SLX4IP: variants seen among roughly 807,000 people sequenced by gnomAD.
The protein encoded by SLX4IP is SLX4 interacting protein, also known as protein SLX4IP.
In SLX4IP, 34 loss-of-function variants were observed where a neutral mutation model predicts 32.9. The ratio of observed to expected loss-of-function variants is 1.03; its 90% CI spans 0.79 to 1.38. The LOEUF (loss-of-function observed/expected upper bound fraction) is 1.38, where lower values mean the gene tolerates loss of function less well. Among genes scored for constraint, SLX4IP ranks in the 40% most tolerant of loss-of-function variants. The pLI, the probability that SLX4IP is intolerant of heterozygous loss-of-function variation, is 0.00. For missense variants in SLX4IP, 444 were observed against 479.0 expected (o/e 0.93, Z 0.68); for synonymous variants, 172 against 171.7 (o/e 1.00, Z -0.01).
At chr20:10,608,600 G>T (rs1313473158) in intron 6 of SLX4IP, among the ~76,000 whole-genome samples, 2 of 150,646 alleles carry the variant, frequency 1.3e-5, no homozygotes, top group Non-Finnish European at 3.0e-5. Context: ...TGTGAACCCA[G>T]GAGGCGGAGC....
At chr20:10,558,341 C>CAAAAA (rs36028561) in intron 3 of SLX4IP, among the ~76,000 whole-genome samples, 5 of 79,536 alleles carry the variant, frequency 6.3e-5, no homozygotes, top group African/African-American at 1.0e-4. Context: ...GACCCTGTCT[C>CAAAAA]AAAAAAAAAA....
chr20:10,623,550 C>T lies in SLX4IP; in HGVS notation c.*171C>T, dbSNP rs1479686401. 3.1e-6 allele frequency: 3 copies of T among 975,298 alleles called. No homozygotes were observed. The African/African-American group carries it at 4.9e-5, about 16-fold the overall frequency. The allele number at this position is 975,298 out of a possible 1,614,324, so 60.4% of individuals were successfully genotyped here. A position where few individuals can be genotyped will look rare whatever the true frequency, so the allele number is the denominator to read the frequency against. ...TGGTTTGTTTTCAAAGCATTTCAAACCGGGAGGCTATATGCTTGTTCTAAC... is the reference window on the plus strand; with the variant it reads ...TGGTTTGTTTTCAAAGCATTTCAAATCGGGAGGCTATATGCTTGTTCTAAC... On this transcript the variant is annotated 3_prime_UTR_variant, in exon 8 of 8. Transcript: ENST00000334534.
intron 4 of SLX4IP, among the ~76,000 whole-genome samples, chr20:10,586,621 G>A (rs1045163377): frequency 1.3e-5 from 2 of 151,768 alleles, no homozygotes; most frequent in African/African-American, 2.4e-5. Flanking sequence ...GCAGTAATTT[G>A]TGATAAAGAG....
intron 1 of SLX4IP, among the ~76,000 whole-genome samples, chr20:10,450,745 G>A: frequency 6.6e-6 from 1 of 152,138 alleles, no homozygotes; most frequent in East Asian, 1.9e-4. Context: ...CTCATCGAAG[G>A]CCTAGTGGTT....
Position 10,623,445 on chromosome 20 carries a change from G to A in SLX4IP, c.*66G>A, listed in dbSNP as rs1050147251. On this transcript the variant is annotated 3_prime_UTR_variant, in exon 8 of 8. Transcript: ENST00000334534. ...GCCAAACCTGTGACAAGAGAGCTGC[G>A]AATATAGATGCCGGGATTTTAAAGG... is the stretch of plus-strand genomic sequence containing the variant. 2.0e-6 allele frequency: 3 copies of A among 1,522,862 alleles called. No homozygotes were observed. The highest frequency in any genetic ancestry group is 1.4e-5 in the African/African-American group (1 of 71,544). 94.3% of individuals were successfully genotyped at this position (1,522,862 alleles called of 1,614,324 possible).
At chr20:10,471,760 T>A (rs1179364830) in intron 2 of SLX4IP, among the ~76,000 whole-genome samples, 1 of 152,216 alleles carries the variant, frequency 6.6e-6, no homozygotes, top group Non-Finnish European at 1.5e-5. Context: ...TATTTGTCTT[T>A]GGCTGGGGTC....
At position 10,472,294 on chromosome 20, in the gene SLX4IP, G is replaced by A. The variant is rs185289199; in HGVS notation, c.27+14063G>A. ...CGCCCAGGCTCGAGTGCAGTGGCACGATCTCGGCTTACTGCAACCTGTGCC... is the reference window on the plus strand; with the variant it reads ...CGCCCAGGCTCGAGTGCAGTGGCACAATCTCGGCTTACTGCAACCTGTGCC... On this transcript the variant is annotated intron_variant, in intron 2 of 7. Transcript: ENST00000334534. 6.1e-3 allele frequency among the ~76,000 whole-genome samples: 917 copies of A among 150,404 alleles called. 8 individuals carry two copies. The highest frequency in any genetic ancestry group is 0.021 in the African/African-American group (856 of 40,700).
intron 2 of SLX4IP, among the ~76,000 whole-genome samples, chr20:10,480,542 G>A (rs2065512806): frequency 6.6e-6 from 1 of 152,042 alleles, no homozygotes; most frequent in Non-Finnish European, 1.5e-5. Flanking sequence ...TGTTAAATAT[G>A]GCATATTATA....
At chr20:10,526,271 C>A (rs886465661) in intron 2 of SLX4IP, among the ~76,000 whole-genome samples, 1 of 152,192 alleles carries the variant, frequency 6.6e-6, no homozygotes, top group African/African-American at 2.4e-5. Flanking sequence ...ATGGTTCCCA[C>A]TCTGGAAATC....
At chr20:10,607,163 G>A (rs977255246) in intron 6 of SLX4IP, among the ~76,000 whole-genome samples, 2 of 152,092 alleles carry the variant, frequency 1.3e-5, no homozygotes, top group African/African-American at 4.8e-5. Flanking sequence ...AGGTTTAAGG[G>A]ACAGCCGAGC....
At chr20:10,583,324 G>A (rs538639174) in intron 4 of SLX4IP, among the ~76,000 whole-genome samples, 20 of 152,244 alleles carry the variant, frequency 1.3e-4, no homozygotes, top group African/African-American at 4.3e-4. Context: ...TTATCTGAAC[G>A]TCTCTTCAGT....
chr20:10,505,054 C>T (rs938280831), intron 2 of SLX4IP, among the ~76,000 whole-genome samples: 1 of 152,136 alleles, frequency 6.6e-6, no homozygotes, highest in East Asian at 1.9e-4. Flanking sequence ...AGTGGCATTT[C>T]GTGTTGCAAC....
At chr20:10,613,759 T>G in intron 6 of SLX4IP, 1 of 1,613,910 alleles carries the variant, frequency 6.2e-7, no homozygotes, top group Non-Finnish European at 8.5e-7. Flanking sequence ...GGTTCCTCTG[T>G]GTACTGCACG....
chr20:10,444,261 A>G (rs894881232), intron 1 of SLX4IP, among the ~76,000 whole-genome samples: 1 of 152,220 alleles, frequency 6.6e-6, no homozygotes, highest in Admixed American at 6.5e-5. Context: ...GTGCTGCCAT[A>G]ACAAAATACC....
At chr20:10,530,513 A>G (rs1046171270) in intron 2 of SLX4IP, among the ~76,000 whole-genome samples, 2 of 152,210 alleles carry the variant, frequency 1.3e-5, no homozygotes, top group African/African-American at 4.8e-5. Context: ...GTTTGGGAAA[A>G]GTGCACATTT....
At position 10,579,318 on chromosome 20, in the gene SLX4IP, A is replaced by G. The variant is rs539508350; in HGVS notation, c.238+18498A>G. Among the ~76,000 whole-genome samples the G allele has an allele frequency of 2.0e-5, 3 of 152,290 alleles. No individual in the cohort carries two copies. In the South Asian group the frequency reaches 6.2e-4, roughly 32 times the overall value. ...CCAAGTACCTTTTGTTGAAAAGACT[A>G]TTCTATCCTCATTTAATTTTCTTGG... On this transcript the variant is annotated intron_variant, in intron 4 of 7. Transcript: ENST00000334534.
Position 10,615,988 on chromosome 20 carries a change from C to A in SLX4IP, c.406-5326C>A, listed in dbSNP as rs6032909. On this transcript the variant is annotated intron_variant, in intron 6 of 7. Coordinates refer to ENST00000334534, the MANE Select transcript of SLX4IP (RefSeq NM_001009608.3). Reference sequence around the variant, plus strand: ...TCTTAATACCATCACATTGGCAGCACCTGAATTTTGGAGGGGACACAGTCA... The same window carrying A: ...TCTTAATACCATCACATTGGCAGCAACTGAATTTTGGAGGGGACACAGTCA... Among the ~76,000 whole-genome samples, 526 of 152,246 alleles carry A rather than the reference C, an allele frequency of 3.5e-3. 2 individuals carry two copies. Among genetic ancestry groups the A allele is most frequent in the African/African-American group, 0.012 (512 of 41,550 alleles).
At chr20:10,475,835 A>G (rs1008293681) in intron 2 of SLX4IP, among the ~76,000 whole-genome samples, 1 of 152,238 alleles carries the variant, frequency 6.6e-6, no homozygotes, top group African/African-American at 2.4e-5. Flanking sequence ...AGCTGTCAGA[A>G]AGAGGGGCAT....
chr20:10,457,101 A>G (rs924578725), intron 1 of SLX4IP, among the ~76,000 whole-genome samples: 2 of 152,128 alleles, frequency 1.3e-5, no homozygotes, highest in Admixed American at 6.5e-5. Context: ...TATTAATTCT[A>G]GTAGTTTTTT....
Sources: gnomAD v4.1 joint callset for allele counts (sites outside exome capture counted in the v4.1 genomes callset) on GRCh38, gnomAD v4.1.1 for gene constraint, MANE v1.5 for transcripts, NCBI Gene and HGNC (gene_info 2026-07-23, HGNC 2026-07-21) for gene names.